Variants in PLCG2 observed in about 807,000 individuals in gnomAD.
PLCG2 encodes phospholipase C gamma 2.
In PLCG2, 69 loss-of-function variants were observed where a neutral mutation model predicts 175.6. The observed-to-expected ratio is 0.39, with a 90% CI of 0.32 to 0.48. The LOEUF is 0.48. Ranked by LOEUF, PLCG2 falls within the 20% of genes least tolerant of loss-of-function variation. PLCG2 has a pLI of 0.91. For synonymous variants in PLCG2, 827 were observed against 624.0 expected, an observed-to-expected ratio of 1.33 and a Z score of -4.85; for missense variants, 1,798 against 1,650.9, an observed-to-expected ratio of 1.09 and a Z score of -1.54.
chr16:81,883,541 ACT>A, intron 9 of PLCG2, 200 bp downstream of exon 9: 1 of 591,714 alleles, frequency 1.7e-6, no homozygotes, highest in Non-Finnish European at 3.0e-6. Context: ...TGCCACTGAA[ACT>A]CTGGATGAGA....
At chr16:81,952,917 G>A (rs766794553) in intron 31 of PLCG2, among the ~76,000 whole-genome samples, 8 of 152,142 alleles carry the variant, frequency 5.3e-5, no homozygotes, top group Non-Finnish European at 1.0e-4. Context: ...GCTTTACAGC[G>A]GATAGACCCT....
At chr16:81,818,651 C>A (rs1463915570) in intron 2 of PLCG2, among the ~76,000 whole-genome samples, 1 of 152,058 alleles carries the variant, frequency 6.6e-6, no homozygotes, top group Non-Finnish European at 1.5e-5. Context: ...CCGGGCATAC[C>A]TTTTCTCTGC....
intron 28 of PLCG2, among the ~76,000 whole-genome samples, chr16:81,938,189 C>T (rs1910795959): frequency 6.6e-6 from 1 of 152,150 alleles, no homozygotes; most frequent in African/African-American, 2.4e-5. Flanking sequence ...AGGTCAGCCT[C>T]TGGCCGGAAA....
At chr16:81,896,000 A>G in intron 13 of PLCG2, 73 bp downstream of exon 13, 1 of 1,557,010 alleles carries the variant, frequency 6.4e-7, no homozygotes. Flanking sequence ...AGATGGACAG[A>G]CAGGCAAACA....
At chr16:81,829,488 G>A (rs1905176193) in intron 2 of PLCG2, among the ~76,000 whole-genome samples, 1 of 152,210 alleles carries the variant, frequency 6.6e-6, no homozygotes, top group African/African-American at 2.4e-5. Context: ...GAAGTGTTGG[G>A]ATTACAGGTG....
chr16:81,936,903 C>G (rs1445562311), intron 27 of PLCG2, among the ~76,000 whole-genome samples: 3 of 152,162 alleles, frequency 2.0e-5, no homozygotes, highest in Non-Finnish European at 4.4e-5. Context: ...TCGGATTCCA[C>G]AGAATGGAAC....
At chr16:81,900,490 G>A in intron 13 of PLCG2, 122 bp from the exon 14 acceptor site, 1 of 782,006 alleles carries the variant, frequency 1.3e-6, no homozygotes, top group Non-Finnish European at 2.0e-6. Context: ...AGATGTGGGG[G>A]TTGTGCCCCC....
Position 81,938,918 on chromosome 16 carries a change from A to C in PLCG2, c.3313+3A>C. The C allele has an allele frequency of 1.3e-6, 2 of 1,563,228 alleles. No homozygotes were observed. Among genetic ancestry groups the C allele is most frequent in the Non-Finnish European group, 1.8e-6 (2 of 1,135,034 alleles). Reference sequence around the variant, plus strand: ...CAAGTTCAAGACGACGGTTGTGAGTAAGTCAGTCACCTTGGCCCCTCTGCT... The same window carrying C: ...CAAGTTCAAGACGACGGTTGTGAGTCAGTCAGTCACCTTGGCCCCTCTGCT... On this transcript the variant is annotated splice_donor_region_variant and intron_variant, in intron 29 of 32. Coordinates refer to ENST00000564138, the MANE Select transcript of PLCG2 (RefSeq NM_002661.5).
chr16:81,884,499 A>G (rs1321294542), intron 9 of PLCG2, among the ~76,000 whole-genome samples: 4 of 152,138 alleles, frequency 2.6e-5, no homozygotes, highest in East Asian at 3.9e-4. Context: ...ACAGCCACCG[A>G]CAGGTGGTTT....
chr16:81,943,360 CAGG>C (rs1279157618), intron 30 of PLCG2, among the ~76,000 whole-genome samples: 4 of 152,140 alleles, frequency 2.6e-5, no homozygotes, highest in African/African-American at 9.7e-5. Context: ...ACATGGCCAG[CAGG>C]AGGAAAAGAG....
chr16:81,919,231 G>T (rs1427713995), intron 19 of PLCG2, among the ~76,000 whole-genome samples: 3 of 152,200 alleles, frequency 2.0e-5, no homozygotes, highest in African/African-American at 7.2e-5. Flanking sequence ...GGGGAGGAGA[G>T]GAAGGGTAAG....
intron 3 of PLCG2, 140 bp downstream of exon 3, chr16:81,854,727 C>T (rs1003948137): frequency 2.6e-6 from 2 of 757,088 alleles, no homozygotes; most frequent in Non-Finnish European, 4.5e-6. Flanking sequence ...AGCCCTGCCC[C>T]TTTCTAGCTG....
intron 2 of PLCG2, among the ~76,000 whole-genome samples, chr16:81,794,343 TTAA>T (rs1264280719): frequency 6.6e-6 from 1 of 152,168 alleles, no homozygotes; most frequent in Non-Finnish European, 1.5e-5. Context: ...GAAATTACTA[TTAA>T]TAATAATAAT....
At chr16:81,756,179 C>G (rs948019023) in intron 2 of PLCG2, among the ~76,000 whole-genome samples, 5 of 152,236 alleles carry the variant, frequency 3.3e-5, no homozygotes, top group Non-Finnish European at 4.4e-5. Flanking sequence ...GCTGCTAAGC[C>G]CAGGAACCGT....
intron 5 of PLCG2, among the ~76,000 whole-genome samples, chr16:81,860,352 A>G (rs11648071): frequency 0.016 from 2,464 of 151,860 alleles, 28 homozygotes; most frequent in South Asian, 0.074. Flanking sequence ...TGCTGTGGAA[A>G]CCTTTGGGTC....
intron 22 of PLCG2, among the ~76,000 whole-genome samples, chr16:81,924,806 T>A (rs1289756711): frequency 6.6e-6 from 1 of 152,270 alleles, no homozygotes; most frequent in Non-Finnish European, 1.5e-5. Context: ...CTGTTCCTAC[T>A]GCAGCCTCTG....
At position 81,837,694 on chromosome 16, in the gene PLCG2, T is replaced by C. The variant is rs567700299; in HGVS notation, c.194-16750T>C. 2.6e-5 allele frequency among the ~76,000 whole-genome samples: 4 copies of C among 152,116 alleles called. No individual in the cohort carries two copies. In the East Asian group the frequency reaches 5.8e-4, roughly 22 times the overall value. Reference sequence around the variant, plus strand: ...TTGGTACCAACATGTGTTTTTTTTTTTTTTTTTTCTCCTTGATGCTGTGCA... The same window carrying C: ...TTGGTACCAACATGTGTTTTTTTTTCTTTTTTTTCTCCTTGATGCTGTGCA... On this transcript the variant is annotated intron_variant, in intron 2 of 32. Coordinates refer to ENST00000564138, the MANE Select transcript of PLCG2 (RefSeq NM_002661.5).
At chr16:81,869,079 G>T in intron 5 of PLCG2, 135 bp from the exon 6 acceptor site, 1 of 691,292 alleles carries the variant, frequency 1.4e-6, no homozygotes. Context: ...CTTGTTCCCA[G>T]TTAGTGGTCC....
chr16:81,798,269 A>C (rs4889386), intron 2 of PLCG2, among the ~76,000 whole-genome samples: 2 of 152,014 alleles, frequency 1.3e-5, no homozygotes, highest in Non-Finnish European at 2.9e-5. Flanking sequence ...CCATGCTGCC[A>C]TATGTCTCCT....
Sources: gnomAD v4.1 joint callset for allele counts (sites outside exome capture counted in the v4.1 genomes callset) on GRCh38, gnomAD v4.1.1 for gene constraint, MANE v1.5 for transcripts, NCBI Gene and HGNC (gene_info 2026-07-23, HGNC 2026-07-21) for gene names.